Variants in MCTP1 observed in about 807,000 individuals in gnomAD.
The protein encoded by MCTP1 is multiple C2 and transmembrane domain containing 1, also known as multiple C2 and transmembrane domain-containing protein 1.
In MCTP1, 69 loss-of-function variants were observed where a neutral mutation model predicts 120.6. The ratio of observed to expected loss-of-function variants is 0.57; its 90% CI spans 0.47 to 0.70. The LOEUF is 0.70. Among genes scored for constraint, MCTP1 ranks in the 30% least tolerant of loss-of-function variants. MCTP1 has a pLI of 0.00. For synonymous variants in MCTP1, 529 were observed against 493.1 expected, an observed-to-expected ratio of 1.07 and a Z score of -0.96; for missense variants, 1,203 against 1,248.8, an observed-to-expected ratio of 0.96 and a Z score of 0.55.
intron 5 of MCTP1, among the ~76,000 whole-genome samples, chr5:94,932,213 TAAAAAAAAAAA>T (rs368203326): frequency 1.0e-5 from 1 of 95,846 alleles, no homozygotes; most frequent in Non-Finnish European, 2.0e-5. Flanking sequence ...TATTCCTTTG[TAAAAAAAAAAA>T]AAAAAAAAAA....
intron 1 of MCTP1, among the ~76,000 whole-genome samples, chr5:95,183,405 T>A (rs993843518): frequency 1.3e-5 from 2 of 151,228 alleles, no homozygotes; most frequent in African/African-American, 4.8e-5. Context: ...ATAATTTATA[T>A]TTATTAGAAT....
At chr5:95,227,416 C>A (rs1277821914) in intron 1 of MCTP1, among the ~76,000 whole-genome samples, 2 of 152,176 alleles carry the variant, frequency 1.3e-5, no homozygotes, top group African/African-American at 4.8e-5. Flanking sequence ...TAGAATCAAT[C>A]ATCACCCATT....
chr5:94,862,278 T>C (rs969441954), intron 17 of MCTP1, among the ~76,000 whole-genome samples: 3 of 151,752 alleles, frequency 2.0e-5, no homozygotes, highest in Non-Finnish European at 4.4e-5. Context: ...CTTCTTCTTG[T>C]AAATATGAAA....
intron 5 of MCTP1, among the ~76,000 whole-genome samples, chr5:94,936,044 T>G (rs182761204): frequency 6.6e-6 from 1 of 152,042 alleles, no homozygotes; most frequent in Non-Finnish European, 1.5e-5. Context: ...TGTTACAGAA[T>G]GAAGAAAATA....
chr5:95,050,741 C>T (rs1439430609), intron 1 of MCTP1, among the ~76,000 whole-genome samples: 1 of 152,136 alleles, frequency 6.6e-6, no homozygotes, highest in African/African-American at 2.4e-5. Context: ...AATTATATCT[C>T]ACAAAAAACC....
At chr5:95,211,779 G>A (rs1752407512) in intron 1 of MCTP1, among the ~76,000 whole-genome samples, 1 of 152,104 alleles carries the variant, frequency 6.6e-6, no homozygotes, top group South Asian at 2.1e-4. Flanking sequence ...AGTTTTTTCT[G>A]CTCTGTTTTT....
chr5:94,724,961 A>AT (rs756820748), intron 19 of MCTP1, among the ~76,000 whole-genome samples: 1 of 121,340 alleles, frequency 8.2e-6, no homozygotes, highest in African/African-American at 2.7e-5. Flanking sequence ...GTATCCAGAG[A>AT]TTTAAAAAAA....
intron 3 of MCTP1, among the ~76,000 whole-genome samples, chr5:94,950,961 AAAT>A (rs1220304610): frequency 1.3e-5 from 2 of 151,628 alleles, no homozygotes; most frequent in Admixed American, 6.6e-5. Flanking sequence ...AAAAAAAAAA[AAAT>A]GATTTTGTGT....
intron 2 of MCTP1, among the ~76,000 whole-genome samples, chr5:94,978,470 G>C (rs1045221957): frequency 6.6e-6 from 1 of 151,982 alleles, no homozygotes; most frequent in Admixed American, 6.6e-5. Flanking sequence ...ATCAATGAAT[G>C]CATGCATAAA....
chr5:94,967,140 C>G (rs888253899), intron 2 of MCTP1, among the ~76,000 whole-genome samples: 1 of 152,152 alleles, frequency 6.6e-6, no homozygotes, highest in African/African-American at 2.4e-5. Flanking sequence ...TTTTGAGAAG[C>G]ATTTTGCTTC....
chr5:95,081,416 T>C (rs1181056338), intron 1 of MCTP1: 2 of 1,609,964 alleles, frequency 1.2e-6, no homozygotes, highest in East Asian at 4.5e-5. Flanking sequence ...TAAACCAAAA[T>C]GTTACTTACC....
At chr5:95,073,217 G>A (rs1313348663) in intron 1 of MCTP1, among the ~76,000 whole-genome samples, 1 of 152,002 alleles carries the variant, frequency 6.6e-6, no homozygotes, top group Non-Finnish European at 1.5e-5. Context: ...TGTCAGTCTT[G>A]GGCATAGGAG....
At chr5:95,119,239 G>T (rs1178449329) in intron 1 of MCTP1, among the ~76,000 whole-genome samples, 1 of 152,038 alleles carries the variant, frequency 6.6e-6, no homozygotes, top group Non-Finnish European at 1.5e-5. Context: ...AGGGATTTGA[G>T]GAACTATACA....
chr5:94,978,163 A>G (rs1490497308), intron 2 of MCTP1, among the ~76,000 whole-genome samples: 1 of 152,140 alleles, frequency 6.6e-6, no homozygotes, highest in Non-Finnish European at 1.5e-5. Flanking sequence ...CAAAAATACA[A>G]TGAGACATCA....
At chr5:94,971,542 C>T (rs530103285) in intron 2 of MCTP1, among the ~76,000 whole-genome samples, 1 of 152,182 alleles carries the variant, frequency 6.6e-6, no homozygotes, top group African/African-American at 2.4e-5. Context: ...AGACATTTCC[C>T]ACTAGTGGAT....
At chr5:94,993,925 C>T (rs548058501) in intron 2 of MCTP1, among the ~76,000 whole-genome samples, 21 of 152,264 alleles carry the variant, frequency 1.4e-4, no homozygotes, top group South Asian at 1.0e-3. Flanking sequence ...ATTGACTAAA[C>T]GGTTTTTTCC....
intron 2 of MCTP1, among the ~76,000 whole-genome samples, chr5:94,978,143 G>T (rs1828532483): frequency 6.6e-6 from 1 of 152,050 alleles, no homozygotes; most frequent in Non-Finnish European, 1.5e-5. Flanking sequence ...AACATCAGGG[G>T]AATGAAAATC....
At chr5:94,958,217 C>A (rs1356865836) in intron 2 of MCTP1, among the ~76,000 whole-genome samples, 2 of 151,922 alleles carry the variant, frequency 1.3e-5, no homozygotes, top group Non-Finnish European at 2.9e-5. Context: ...TCTTTGAAAC[C>A]AATGAGAACA....
intron 17 of MCTP1, chr5:94,826,772 C>CTTTTTTTTTTTTTGTT (rs1787181199): frequency 2.3e-5 from 1 of 42,866 alleles, no homozygotes; most frequent in Non-Finnish European, 3.5e-5. Context: ...GTGACCCCTG[C>CTTTTTTTTTTTTTGTT]TTTTTTTTTT....
Sources: allele counts gnomAD v4.1 joint callset (sites outside exome capture counted in the v4.1 genomes callset), GRCh38; gene constraint gnomAD v4.1.1; transcripts MANE v1.5; gene names NCBI Gene and HGNC (gene_info 2026-07-23, HGNC 2026-07-21).